PTK2: variants seen among roughly 807,000 people sequenced by gnomAD.
PTK2 encodes protein tyrosine kinase 2.
Under a neutral mutation model 150.1 loss-of-function variants are expected in PTK2, and 45 were observed. That is an observed-to-expected ratio of 0.30 (90% CI 0.24 to 0.38). The LOEUF is 0.38. Ranked by LOEUF, PTK2 falls within the 10% of genes least tolerant of loss-of-function variation. The pLI, the probability that PTK2 is intolerant of heterozygous loss-of-function variation, is 1.00. For synonymous variants in PTK2, 432 were observed against 449.2 expected (o/e 0.96, Z 0.48); for missense variants, 919 against 1,307.3 (o/e 0.70, Z 4.58).
At chr8:140,746,891 T>TA in intron 17 of PTK2, 31 bp from the exon 21 acceptor site, 47 of 1,358,234 alleles carry the variant, frequency 3.5e-5, no homozygotes, top group Non-Finnish European at 4.6e-5. Context: ...AGTTATTCTT[T>TA]CTTTTTTTTT....
chr8:140,824,937 G>A (rs879470456), intron 8 of PTK2, among the ~76,000 whole-genome samples: 1 of 152,144 alleles, frequency 6.6e-6, no homozygotes, highest in Non-Finnish European at 1.5e-5. Flanking sequence ...GTATTGCTAG[G>A]ATGAACCATA....
At chr8:140,902,934 T>TTTTTTG (rs1568514829) in intron 2 of PTK2, among the ~76,000 whole-genome samples, 187 of 134,216 alleles carry the variant, frequency 1.4e-3, no homozygotes, top group East Asian at 3.7e-3. Context: ...GTTTTTTTTT[T>TTTTTTG]TTTTTTTTTT....
intron 1 of PTK2, among the ~76,000 whole-genome samples, chr8:140,994,019 C>T (rs916421937): frequency 6.6e-6 from 1 of 152,104 alleles, no homozygotes. Flanking sequence ...TGTGAGTTAC[C>T]GCACCCCACC....
chr8:140,954,177 G>C (rs1380362132), intron 1 of PTK2, among the ~76,000 whole-genome samples: 1 of 152,004 alleles, frequency 6.6e-6, no homozygotes, highest in Admixed American at 6.6e-5. Context: ...ATGGGGTTTT[G>C]CCATGTTGGC....
intron 1 of PTK2, among the ~76,000 whole-genome samples, chr8:140,926,665 T>G (rs867325824): frequency 9.2e-5 from 14 of 152,190 alleles, no homozygotes; most frequent in Non-Finnish European, 1.5e-4. Flanking sequence ...ACTTGACAGA[T>G]GTATCAAAGT....
intron 1 of PTK2, among the ~76,000 whole-genome samples, chr8:140,945,449 A>G (rs561474784): frequency 6.6e-6 from 1 of 152,230 alleles, no homozygotes; most frequent in East Asian, 1.9e-4. Context: ...AGCCAGGCAC[A>G]GTGGTGTGCA....
At chr8:140,914,855 G>A (rs1006676103) in intron 2 of PTK2, among the ~76,000 whole-genome samples, 1 of 151,876 alleles carries the variant, frequency 6.6e-6, no homozygotes, top group Non-Finnish European at 1.5e-5. Context: ...GACCAATATG[G>A]AGGTCTTATC....
At chr8:140,691,209 T>TAA (rs2100023024) in intron 26 of PTK2, among the ~76,000 whole-genome samples, 7 of 149,384 alleles carry the variant, frequency 4.7e-5, no homozygotes, top group Admixed American at 4.7e-4. Flanking sequence ...GTGGGGGGTC[T>TAA]CACTATGTTA....
chr8:140,770,839 C>A, intron 14 of PTK2, 40 bp from the exon 15 acceptor site: 1 of 1,032,014 alleles, frequency 9.7e-7, no homozygotes, highest in Non-Finnish European at 1.3e-6. Flanking sequence ...AAAATAGAAA[C>A]AAATTATTTC....
chr8:140,963,463 C>A (rs1055680470), intron 1 of PTK2, among the ~76,000 whole-genome samples: 5 of 152,192 alleles, frequency 3.3e-5, no homozygotes, highest in African/African-American at 1.2e-4. Context: ...TATCTCTCAC[C>A]CCTAAGATCC....
intron 10 of PTK2, 141 bp from the exon 11 acceptor site, chr8:140,803,791 A>C (rs897595036): frequency 2.7e-6 from 2 of 728,624 alleles, no homozygotes; most frequent in African/African-American, 1.8e-5. Context: ...CAGATTCTCC[A>C]TGCTGCCCCA....
intron 26 of PTK2, among the ~76,000 whole-genome samples, chr8:140,697,415 T>TG (rs1184772255): frequency 8.5e-6 from 1 of 117,912 alleles, no homozygotes; most frequent in African/African-American, 3.8e-5. Flanking sequence ...TAGAATACGG[T>TG]TTGTGTGTGT....
intron 4 of PTK2, among the ~76,000 whole-genome samples, chr8:140,867,456 G>A (rs948707163): frequency 3.3e-5 from 5 of 152,254 alleles, no homozygotes; most frequent in Middle Eastern, 3.4e-3. Flanking sequence ...ACAATGATAC[G>A]AAGAAAAGGC....
chr8:140,688,077 C>T (rs562110999), intron 26 of PTK2, among the ~76,000 whole-genome samples: 1 of 152,238 alleles, frequency 6.6e-6, no homozygotes, highest in Admixed American at 6.5e-5. Context: ...TGTGTGTTGT[C>T]CCTGAATTTA....
At chr8:140,888,422 C>T (rs2100153069) in intron 3 of PTK2, among the ~76,000 whole-genome samples, 1 of 152,206 alleles carries the variant, frequency 6.6e-6, no homozygotes, top group African/African-American at 2.4e-5. Flanking sequence ...AATTCAATGC[C>T]AACTGTGATT....
intron 1 of PTK2, among the ~76,000 whole-genome samples, chr8:140,933,422 A>G (rs1278686905): frequency 6.6e-6 from 1 of 152,254 alleles, no homozygotes; most frequent in Non-Finnish European, 1.5e-5. Flanking sequence ...GAGAAGAAGA[A>G]GCAGGTGGAG....
intron 1 of PTK2, among the ~76,000 whole-genome samples, chr8:140,996,015 G>A (rs2100197597): frequency 6.6e-6 from 1 of 152,048 alleles, no homozygotes; most frequent in African/African-American, 2.4e-5. Context: ...AACCCGTGAG[G>A]CGGAGGGTGC....
At chr8:140,759,249 T>C (rs924021008) in intron 16 of PTK2, among the ~76,000 whole-genome samples, 4 of 152,154 alleles carry the variant, frequency 2.6e-5, no homozygotes, top group African/African-American at 4.8e-5. Context: ...TGTGGAGATC[T>C]GCAGTCTTAT....
At chr8:140,984,625 C>T (rs987875070) in intron 1 of PTK2, among the ~76,000 whole-genome samples, 2 of 152,104 alleles carry the variant, frequency 1.3e-5, no homozygotes, top group African/African-American at 4.8e-5. Context: ...TTAAAGGGAG[C>T]TTTCATCTCT....
Sources: allele counts gnomAD v4.1 joint callset (sites outside exome capture counted in the v4.1 genomes callset), GRCh38; gene constraint gnomAD v4.1.1; transcripts MANE v1.5; gene names NCBI Gene and HGNC (gene_info 2026-07-23, HGNC 2026-07-21).